LRBA: variants seen among roughly 807,000 people sequenced by gnomAD.
LRBA encodes the protein lipopolysaccharide-responsive and beige-like anchor protein.
A neutral mutation model predicts 330.0 loss-of-function variants in LRBA; 176 were observed. The ratio of observed to expected loss-of-function variants is 0.53; its 90% CI spans 0.47 to 0.60. LRBA has a LOEUF of 0.60. Ranked by LOEUF, LRBA falls within the 20% of genes least tolerant of loss-of-function variation. The pLI, the probability that LRBA is intolerant of heterozygous loss-of-function variation, is 0.00. For missense variants in LRBA, 3,259 were observed against 3,444.8 expected, an observed-to-expected ratio of 0.95 and a Z score of 1.35; for synonymous variants, 1,230 against 1,193.0, an observed-to-expected ratio of 1.03 and a Z score of -0.64.
At chr4:150,956,874 A>C (rs1283421589) in intron 2 of LRBA, among the ~76,000 whole-genome samples, 1 of 149,332 alleles carries the variant, frequency 6.7e-6, no homozygotes, top group Non-Finnish European at 1.5e-5. Context: ...AACCTGACAA[A>C]GGGCATCTAT....
intron 37 of LRBA, among the ~76,000 whole-genome samples, chr4:150,650,882 C>T (rs1187392204): frequency 1.3e-5 from 2 of 151,790 alleles, no homozygotes; most frequent in African/African-American, 2.4e-5. Context: ...GGGGAGAGAA[C>T]TAAAGAGGAG....
rs146507437 is a variant in LRBA, at chr4:150,596,174, C to T, written c.6046+2833G>A. On this transcript the variant is annotated intron_variant, in intron 38 of 56. Transcript: ENST00000651943. ...TTTTCCCCAAGCAAGTTAATGTGAA[C>T]TTGGGAAGGGCAATTAAATTGTCAG... Among the ~76,000 whole-genome samples, 1,111 of 151,804 alleles carry T rather than the reference C, an allele frequency of 7.3e-3. 8 individuals carry two copies. The highest frequency in any genetic ancestry group is 0.017 in the Middle Eastern group (5 of 294).
chr4:150,579,489 T>C (rs983721085), intron 40 of LRBA: 1 of 382,286 alleles, frequency 2.6e-6, no homozygotes, highest in Admixed American at 3.3e-5. Flanking sequence ...CGCCTTTGTT[T>C]AACTGATTTA....
chr4:150,625,692 T>C (rs1420471951), intron 37 of LRBA, among the ~76,000 whole-genome samples: 1 of 148,970 alleles, frequency 6.7e-6, no homozygotes, highest in Non-Finnish European at 1.5e-5. Context: ...CGAGATTATA[T>C]ATATATATAT....
At chr4:150,417,037 C>T (rs1747869142) in intron 46 of LRBA, among the ~76,000 whole-genome samples, 2 of 152,016 alleles carry the variant, frequency 1.3e-5, no homozygotes, top group Admixed American at 6.6e-5. Flanking sequence ...CCTGTGTCCT[C>T]AGTCATCAAA....
chr4:150,909,095 ATC>A (rs1731675907), intron 9 of LRBA, among the ~76,000 whole-genome samples: 1 of 152,220 alleles, frequency 6.6e-6, no homozygotes, highest in Non-Finnish European at 1.5e-5. Context: ...ATCATATTTT[ATC>A]TTTTTTCGTA....
intron 5 of LRBA, among the ~76,000 whole-genome samples, chr4:150,919,869 T>C (rs942355792): frequency 6.6e-6 from 1 of 152,216 alleles, no homozygotes; most frequent in Non-Finnish European, 1.5e-5. Flanking sequence ...GATAAATGCA[T>C]GCACTGCAAT....
intron 47 of LRBA, among the ~76,000 whole-genome samples, chr4:150,378,127 G>A (rs937537682): frequency 2.6e-5 from 4 of 152,094 alleles, no homozygotes; most frequent in Non-Finnish European, 4.4e-5. Flanking sequence ...TTCATCAGAC[G>A]TAAATAGATA....
chr4:150,880,684 A>G (rs1442145594), intron 17 of LRBA, among the ~76,000 whole-genome samples: 1 of 152,212 alleles, frequency 6.6e-6, no homozygotes, highest in Non-Finnish European at 1.5e-5. Flanking sequence ...CAATACAAAC[A>G]AAAATTGACA....
At chr4:150,566,164 G>C (rs1393901323) in intron 40 of LRBA, among the ~76,000 whole-genome samples, 1 of 152,008 alleles carries the variant, frequency 6.6e-6, no homozygotes, top group East Asian at 1.9e-4. Context: ...TGGAGTTCAA[G>C]GTTACTATAG....
chr4:150,637,954 T>A (rs1475991779), intron 37 of LRBA, among the ~76,000 whole-genome samples: 1 of 152,176 alleles, frequency 6.6e-6, no homozygotes, highest in South Asian at 2.1e-4. Context: ...CATTTATCTT[T>A]TGGGTTCCGA....
chr4:150,928,481 C>T (rs1460363776), intron 4 of LRBA, 35 bp downstream of exon 4: 4 of 1,367,688 alleles, frequency 2.9e-6, no homozygotes, highest in Non-Finnish European at 4.2e-6. Context: ...GAGGAGCATA[C>T]TTTAAAATAC....
At chr4:150,601,943 G>A (rs766793936) in intron 37 of LRBA, among the ~76,000 whole-genome samples, 7 of 151,850 alleles carry the variant, frequency 4.6e-5, no homozygotes, top group Admixed American at 6.6e-5. Context: ...CGCCCGCCTC[G>A]GCCTCCCAAA....
Position 150,315,543 on chromosome 4 carries a change from G to C in LRBA, c.7693+18C>G. On this transcript the variant is annotated intron_variant, in intron 51 of 56. Transcript: ENST00000651943. ...TACAGAGCTTAATGAATCGCAAAGA[G>C]AGAAGGAAGTGACAGACCTATGAGA... 1 of 1,606,788 alleles carries C rather than the reference G, an allele frequency of 6.2e-7. No individual in the cohort carries two copies. Among genetic ancestry groups the C allele is most frequent in the South Asian group, 1.1e-5 (1 of 90,914 alleles).
In LRBA at chr4:150,930,357, G is replaced by T. The variant is rs146189436; in HGVS notation, c.217-1292C>A. On this transcript the variant is annotated intron_variant, in intron 2 of 56. Transcript: ENST00000651943. Reference sequence around the variant, plus strand: ...AAATACAAAAACTTAGCCAGGCATGGTGGCATGTGCCTGTAGTCCCAGTTA... The same window carrying T: ...AAATACAAAAACTTAGCCAGGCATGTTGGCATGTGCCTGTAGTCCCAGTTA... Among the ~76,000 whole-genome samples, 1,313 of 152,068 alleles carry T rather than the reference G, an allele frequency of 8.6e-3. 21 individuals are homozygous for T. The highest frequency in any genetic ancestry group is 0.028 in the African/African-American group (1,175 of 41,496).
At chr4:150,733,371 G>A (rs976662521) in intron 36 of LRBA, among the ~76,000 whole-genome samples, 1 of 152,066 alleles carries the variant, frequency 6.6e-6, no homozygotes, top group African/African-American at 2.4e-5. Flanking sequence ...TTTTGAGGTA[G>A]AAGGGAATCC....
At chr4:150,647,286 C>T (rs1779233611) in intron 37 of LRBA, among the ~76,000 whole-genome samples, 2 of 145,318 alleles carry the variant, frequency 1.4e-5, no homozygotes, top group Non-Finnish European at 3.0e-5. Context: ...TAGGAAAATG[C>T]TTTATGACTA....
intron 22 of LRBA, among the ~76,000 whole-genome samples, chr4:150,856,141 C>T (rs1709558397): frequency 6.6e-6 from 1 of 152,172 alleles, no homozygotes. Context: ...CACAGCATGT[C>T]TTTGTGGAGT....
In LRBA at chr4:150,916,508, G is replaced by C. The variant is rs143625481; in HGVS notation, c.787C>G (p.Leu263Val). 1,473 of 1,613,246 alleles carry C rather than the reference G, an allele frequency of 9.1e-4. No individual in the cohort carries two copies. Among genetic ancestry groups the C allele is most frequent in the Admixed American group, 2.3e-3 (140 of 59,906 alleles). Residue 263 changes from leucine (L) to valine (V), a missense_variant, in exon 7 of 57, where the codon CTT becomes GTT. Leu to Val is a conservative substitution (Grantham distance 32). Transcript: ENST00000651943. Reference sequence around the variant, plus strand: ...CCAACAAAATGAGCAGAATAGCCAAGACCTTTGCTGGTTCTGAAACTATAA... The same window carrying C: ...CCAACAAAATGAGCAGAATAGCCAACACCTTTGCTGGTTCTGAAACTATAA... Reference protein sequence around the residue: ...YLYCFRTSKGLGYSAHFVGGC... With the variant: ...YLYCFRTSKGVGYSAHFVGGC...
Sources: allele counts gnomAD v4.1 joint callset (sites outside exome capture counted in the v4.1 genomes callset), GRCh38; gene constraint gnomAD v4.1.1; transcripts MANE v1.5; gene names NCBI Gene and HGNC (gene_info 2026-07-23, HGNC 2026-07-21).